CD1B: variants seen among roughly 807,000 people sequenced by gnomAD.
CD1B encodes T-cell surface glycoprotein CD1b.
A neutral mutation model predicts 39.8 loss-of-function variants in CD1B; 43 were observed. That is an observed-to-expected ratio of 1.08 (90% CI 0.85 to 1.39). CD1B has a LOEUF of 1.39. CD1B is among the 40% of genes most tolerant of loss of function. CD1B has a pLI of 0.00. For missense variants in CD1B, 495 were observed against 403.8 expected (o/e 1.23, Z -1.94); for synonymous variants, 192 against 152.5 (o/e 1.26, Z -1.91).
At chr1:158,319,502 T>G in the CD1B span, among the ~76,000 whole-genome samples, 6 of 152,230 alleles carry the variant, frequency 3.9e-5, no homozygotes, top group Admixed American at 2.6e-4. Context: ...TGAGCCTTGG[T>G]TGTCAGCTCC....
At chr1:158,306,844 G>C in the CD1B span, among the ~76,000 whole-genome samples, 14 of 152,118 alleles carry the variant, frequency 9.2e-5, no homozygotes, top group Non-Finnish European at 1.6e-4. Flanking sequence ...GGTACATAAT[G>C]AAATGAAGGC....
the CD1B span, among the ~76,000 whole-genome samples, chr1:158,310,133 G>A: frequency 6.6e-6 from 1 of 152,182 alleles, no homozygotes; most frequent in African/African-American, 2.4e-5. Flanking sequence ...ATAGATAAAT[G>A]AACAGGTTAG....
At chr1:158,294,522 T>C in the CD1B span, among the ~76,000 whole-genome samples, 1 of 152,220 alleles carries the variant, frequency 6.6e-6, no homozygotes, top group South Asian at 2.1e-4. Flanking sequence ...TAAATAGATT[T>C]TATTGATGTA....
At chr1:158,310,820 C>A in the CD1B span, among the ~76,000 whole-genome samples, 1 of 152,062 alleles carries the variant, frequency 6.6e-6, no homozygotes, top group African/African-American at 2.4e-5. Context: ...GTAACAGATT[C>A]TAGCAAGGTT....
chr1:158,306,415 C>T, the CD1B span, among the ~76,000 whole-genome samples: 2 of 152,136 alleles, frequency 1.3e-5, no homozygotes, highest in Non-Finnish European at 1.5e-5. Context: ...TACAGGAGCA[C>T]CCAGATTCAT....
the CD1B span, among the ~76,000 whole-genome samples, chr1:158,286,450 C>A: frequency 6.6e-6 from 1 of 152,178 alleles, no homozygotes; most frequent in Admixed American, 6.5e-5. Flanking sequence ...ATAAAATTGT[C>A]ATACTTAGGA....
chr1:158,301,801 C>G, the CD1B span, among the ~76,000 whole-genome samples: 1 of 152,010 alleles, frequency 6.6e-6, no homozygotes, highest in Non-Finnish European at 1.5e-5. Context: ...TTGTGGTGTT[C>G]TCTGTATTTC....
chr1:158,298,727 T>C, the CD1B span, among the ~76,000 whole-genome samples: 1 of 152,184 alleles, frequency 6.6e-6, no homozygotes, highest in African/African-American at 2.4e-5. Context: ...AAGAGGTCCT[T>C]CACATCCCTT....
the CD1B span, among the ~76,000 whole-genome samples, chr1:158,314,243 A>C: frequency 0.012 from 1,867 of 151,952 alleles, 38 homozygotes; most frequent in African/African-American, 0.04. Context: ...TGCCACCACA[A>C]TCAGCTAATT....
chr1:158,307,282 A>T, the CD1B span, among the ~76,000 whole-genome samples: 1 of 152,200 alleles, frequency 6.6e-6, no homozygotes, highest in African/African-American at 2.4e-5. Flanking sequence ...ACAGACTACC[A>T]TCAGAGAATA....
chr1:158,313,503 G>C, the CD1B span, among the ~76,000 whole-genome samples: 3 of 152,044 alleles, frequency 2.0e-5, no homozygotes, highest in African/African-American at 7.2e-5. Context: ...TAGAGACAAG[G>C]TTTCATCATG....
rs781386448 is a variant in CD1B at position 158,329,857 on chromosome 1, C to A, written c.602G>T (p.Arg201Ile). 1.9e-6 allele frequency: 3 copies of A among 1,612,808 alleles called. No homozygotes were observed. Among genetic ancestry groups the A allele is most frequent in the South Asian group, 2.2e-5 (2 of 90,882 alleles). ...VLNAGKADLQ[R>I]QVKPEAWLSS... is the part of the protein sequence containing the mutation. ...GAAATAACAGCAGGACTAACCTTGT[C>A]TTTGCAGATCTGCTTTTCCTGCATT... is the stretch of plus-strand genomic sequence containing the variant. Residue 201 changes from arginine (R) to isoleucine (I), a missense_variant, in exon 3 of 6, where the codon AGA becomes ATA. Coordinates refer to ENST00000368168, the MANE Select transcript of CD1B (RefSeq NM_001764.3).
chr1:158,292,786 C>T, the CD1B span: 1 of 1,614,158 alleles, frequency 6.2e-7, no homozygotes, highest in Non-Finnish European at 8.5e-7. Context: ...TTCAGGTGAT[C>T]CTGGAGGTGG....
chr1:158,331,158 C>T (rs1021795980), intron 1 of CD1B, 96 bp from the exon 2 acceptor site: 6 of 1,330,816 alleles, frequency 4.5e-6, no homozygotes, highest in Non-Finnish European at 5.2e-6. Context: ...AAACAAGAAC[C>T]TAGAGTCTAA....
At chr1:158,314,996 T>G in the CD1B span, among the ~76,000 whole-genome samples, 2 of 147,916 alleles carry the variant, frequency 1.4e-5, no homozygotes, top group Non-Finnish European at 3.0e-5. Flanking sequence ...TCATCATTTT[T>G]TATGGCTGCA....
At chr1:158,309,233 G>T in the CD1B span, among the ~76,000 whole-genome samples, 6 of 152,134 alleles carry the variant, frequency 3.9e-5, no homozygotes, top group African/African-American at 1.2e-4. Flanking sequence ...ATGAAAAAAC[G>T]GTCATCATCA....
the CD1B span, chr1:158,292,308 T>C: frequency 6.2e-7 from 1 of 1,614,070 alleles, no homozygotes; most frequent in Non-Finnish European, 8.5e-7. Context: ...AAGAAGCACT[T>C]GCCCCCGATT....
At chr1:158,319,568 AT>A in the CD1B span, among the ~76,000 whole-genome samples, 34 of 152,002 alleles carry the variant, frequency 2.2e-4, no homozygotes, top group African/African-American at 8.0e-4. Flanking sequence ...ATTCTTCTAA[AT>A]TTTTTTCCAA....
the CD1B span, among the ~76,000 whole-genome samples, chr1:158,286,807 A>G: frequency 6.6e-6 from 1 of 151,978 alleles, no homozygotes; most frequent in South Asian, 2.1e-4. Context: ...TCTTCTAGGC[A>G]CCCTGAGGGG....
Sources: gnomAD v4.1 joint callset for allele counts (sites outside exome capture counted in the v4.1 genomes callset) on GRCh38, gnomAD v4.1.1 for gene constraint, MANE v1.5 for transcripts, NCBI Gene and HGNC (gene_info 2026-07-23, HGNC 2026-07-21) for gene names.